PALM2AKAP2: variants seen among roughly 807,000 people sequenced by gnomAD.
PALM2AKAP2 encodes PALM2 and AKAP2 fusion, also known as PALM2-AKAP2 fusion protein.
A neutral mutation model predicts 71.5 loss-of-function variants in PALM2AKAP2; 37 were observed. The ratio of observed to expected loss-of-function variants is 0.52; its 90% CI spans 0.40 to 0.68. The LOEUF is 0.68. Among genes scored for constraint, PALM2AKAP2 ranks in the 30% least tolerant of loss-of-function variants. PALM2AKAP2 has a pLI of 0.00. For synonymous variants in PALM2AKAP2, 468 were observed against 478.8 expected (o/e 0.98, Z 0.29); for missense variants, 1,224 against 1,191.8 (o/e 1.03, Z -0.40).
intron 3 of PALM2AKAP2, among the ~76,000 whole-genome samples, chr9:109,916,599 C>T (rs932077738): frequency 2.0e-5 from 3 of 152,366 alleles, no homozygotes; most frequent in Non-Finnish European, 2.9e-5. Flanking sequence ...CTGCCTGGCT[C>T]ATTTTCTCCT....
chr9:110,028,760 G>A (rs1190344030), intron 7 of PALM2AKAP2, among the ~76,000 whole-genome samples: 1 of 151,994 alleles, frequency 6.6e-6, no homozygotes, highest in Non-Finnish European at 1.5e-5. Context: ...AATTGCATGG[G>A]ACATACTTAT....
intron 1 of PALM2AKAP2, among the ~76,000 whole-genome samples, chr9:109,716,081 T>C (rs1365161511): frequency 3.3e-5 from 5 of 152,206 alleles, no homozygotes; most frequent in African/African-American, 1.2e-4. Flanking sequence ...AGAAGTAAGA[T>C]TTTAAATGAG....
chr9:109,764,078 A>G (rs998531433), intron 1 of PALM2AKAP2, among the ~76,000 whole-genome samples: 1 of 152,120 alleles, frequency 6.6e-6, no homozygotes, highest in Non-Finnish European at 1.5e-5. Context: ...CATAGTTATT[A>G]CTTTCAATTC....
intron 1 of PALM2AKAP2, among the ~76,000 whole-genome samples, chr9:109,807,757 G>A (rs780134229): frequency 1.2e-4 from 18 of 152,178 alleles, no homozygotes; most frequent in African/African-American, 4.1e-4. Context: ...GCTATGTCCC[G>A]ACCCAAATCT....
intron 1 of PALM2AKAP2, among the ~76,000 whole-genome samples, chr9:110,100,088 T>G (rs1394965593): frequency 7.2e-6 from 1 of 138,558 alleles, no homozygotes; most frequent in African/African-American, 2.6e-5. Flanking sequence ...TATAGAAACA[T>G]AAATATTTTA....
rs67811711 is a variant in PALM2AKAP2 at position 109,799,786 on chromosome 9, C to T, written c.45+19253C>T. ...TTGGGATTACAGGCATGAACCACCG[C>T]GTCGGCCACCATTAGGTTTTTAACT... On this transcript the variant is annotated intron_variant, in intron 1 of 9. Coordinates refer to the PALM2AKAP2 transcript ENST00000302798. 6.6e-3 allele frequency among the ~76,000 whole-genome samples: 1,003 copies of T among 152,280 alleles called. 8 individuals carry two copies. Among genetic ancestry groups the T allele is most frequent in the South Asian group, 0.013 (63 of 4,812 alleles).
intron 6 of PALM2AKAP2, among the ~76,000 whole-genome samples, chr9:110,008,347 A>C (rs887092763): frequency 6.6e-6 from 1 of 152,122 alleles, no homozygotes; most frequent in African/African-American, 2.4e-5. Flanking sequence ...AGAGTGGCCC[A>C]AAAGAAGTAT....
intron 1 of PALM2AKAP2, among the ~76,000 whole-genome samples, chr9:109,688,827 A>G (rs944798318): frequency 4.6e-5 from 7 of 152,228 alleles, no homozygotes; most frequent in African/African-American, 1.7e-4. Flanking sequence ...TCAGCCTGCC[A>G]AGAAATTAGG....
At chr9:109,668,371 A>G (rs556120122) in intron 1 of PALM2AKAP2, among the ~76,000 whole-genome samples, 8 of 152,362 alleles carry the variant, frequency 5.3e-5, no homozygotes, top group African/African-American at 1.9e-4. Flanking sequence ...GTTTCTTTCT[A>G]GCAGGAGGGC....
chr9:110,035,503 G>T (rs1172804668), intron 7 of PALM2AKAP2, among the ~76,000 whole-genome samples: 2 of 131,378 alleles, frequency 1.5e-5, no homozygotes, highest in Non-Finnish European at 3.0e-5. Context: ...ACATATATAT[G>T]ATATGTTGTG....
intron 1 of PALM2AKAP2, among the ~76,000 whole-genome samples, chr9:109,732,154 C>A (rs1443533126): frequency 6.6e-6 from 1 of 152,174 alleles, no homozygotes; most frequent in East Asian, 1.9e-4. Flanking sequence ...GTGCAAAGAC[C>A]AATGTACAGA....
At chr9:109,985,733 T>A (rs1281623968) in intron 6 of PALM2AKAP2, among the ~76,000 whole-genome samples, 1 of 151,338 alleles carries the variant, frequency 6.6e-6, no homozygotes, top group Non-Finnish European at 1.5e-5. Context: ...CACTGCAACC[T>A]TCGCCTCCTA....
intron 1 of PALM2AKAP2, among the ~76,000 whole-genome samples, chr9:109,661,917 T>C (rs889536232): frequency 6.6e-6 from 1 of 152,216 alleles, no homozygotes; most frequent in Admixed American, 6.5e-5. Context: ...TATTTTATTC[T>C]CTTTGAAGCA....
chr9:110,136,539 A>C (rs780834617), exon 2 of PALM2AKAP2: 9 of 1,613,406 alleles, frequency 5.6e-6, no homozygotes, highest in Admixed American at 1.7e-5. Flanking sequence ...ACCCAGCCAG[A>C]ACCCACTGAA....
intron 1 of PALM2AKAP2, among the ~76,000 whole-genome samples, chr9:109,710,724 G>A (rs1032019270): frequency 1.3e-5 from 2 of 152,102 alleles, no homozygotes; most frequent in Non-Finnish European, 2.9e-5. Context: ...CTCACCTTGG[G>A]TAACTGGTAT....
intron 1 of PALM2AKAP2, among the ~76,000 whole-genome samples, chr9:110,114,197 C>A (rs1005585965): frequency 2.0e-5 from 3 of 152,182 alleles, no homozygotes; most frequent in African/African-American, 4.8e-5. Context: ...CCGTTCCATG[C>A]CTTTCTCCTA....
intron 1 of PALM2AKAP2, among the ~76,000 whole-genome samples, chr9:110,075,048 A>G (rs997141356): frequency 2.0e-5 from 3 of 152,154 alleles, no homozygotes; most frequent in Non-Finnish European, 2.9e-5. Flanking sequence ...TCACTGTAAG[A>G]GATGAATTAG....
intron 6 of PALM2AKAP2, among the ~76,000 whole-genome samples, chr9:110,000,267 G>GT (rs1455437253): frequency 1.3e-5 from 2 of 151,514 alleles, no homozygotes; most frequent in East Asian, 3.9e-4. Flanking sequence ...GTGGTGTTGG[G>GT]TTTTTTGTCC....
At chr9:109,912,578 G>C (rs1830593591) in intron 3 of PALM2AKAP2, among the ~76,000 whole-genome samples, 1 of 152,178 alleles carries the variant, frequency 6.6e-6, no homozygotes, top group South Asian at 2.1e-4. Flanking sequence ...CTGAAATGTG[G>C]AAAATGAATT....
Sources: allele counts gnomAD v4.1 joint callset (sites outside exome capture counted in the v4.1 genomes callset), GRCh38; gene constraint gnomAD v4.1.1; transcripts MANE v1.5; gene names NCBI Gene and HGNC (gene_info 2026-07-23, HGNC 2026-07-21).